ITGB1: variants seen among roughly 807,000 people sequenced by gnomAD.
ITGB1 encodes the protein integrin beta-1.
In ITGB1, 24 loss-of-function variants were observed where a neutral mutation model predicts 86.5. That is an observed-to-expected ratio of 0.28 (90% CI 0.20 to 0.39). The LOEUF is 0.39. Among genes scored for constraint, ITGB1 ranks in the 10% least tolerant of loss-of-function variants. ITGB1 has a pLI of 1.00. For missense variants in ITGB1, 556 were observed against 946.9 expected (o/e 0.59, Z 5.42); for synonymous variants, 323 against 316.8 (o/e 1.02, Z -0.21).
At position 32,919,899 on chromosome 10, in the gene ITGB1, C is replaced by T. The variant is rs1459317714; in HGVS notation, c.1455G>A (p.Glu485=). The T allele has an allele frequency of 3.7e-6, 6 of 1,614,136 alleles. No homozygotes were observed. The highest frequency in any genetic ancestry group is 1.1e-5 in the South Asian group (1 of 91,088). Residue 485 remains glutamate, a synonymous_variant, in exon 11 of 16, where the codon GAG becomes GAA. Coordinates refer to ENST00000302278, the MANE Select transcript of ITGB1 (RefSeq NM_002211.4). Reference sequence around the variant, plus strand: ...ACCCAGCTTACCTGCACGCGCCACACTCAAATGTCCCATTTCCTTCATGAC... The same window carrying T: ...ACCCAGCTTACCTGCACGCGCCACATTCAAATGTCCCATTTCCTTCATGAC... ...PKCHEGNGTF[E]CGACRCNEGR...
intron 1 of ITGB1, among the ~76,000 whole-genome samples, chr10:32,947,773 CAG>C (rs1445050313): frequency 9.2e-5 from 14 of 152,162 alleles, no homozygotes; most frequent in African/African-American, 3.4e-4. Flanking sequence ...TTGTGTAGTG[CAG>C]AGTTACACTG....
At chr10:32,903,553 T>G (rs2094888243) in intron 15 of ITGB1, among the ~76,000 whole-genome samples, 1 of 151,934 alleles carries the variant, frequency 6.6e-6, no homozygotes, top group African/African-American at 2.4e-5. Flanking sequence ...CCACTGTGAT[T>G]TCAGCTCAGC....
chr10:32,943,970 C>T (rs2095025111), intron 1 of ITGB1, among the ~76,000 whole-genome samples: 1 of 152,142 alleles, frequency 6.6e-6, no homozygotes, highest in South Asian at 2.1e-4. Context: ...GGTAAAAAGT[C>T]GCCTCAAAGG....
chr10:32,908,555 A>T (rs1470505723), intron 14 of ITGB1, 21 bp from the exon 15 acceptor site: 1 of 1,608,440 alleles, frequency 6.2e-7, no homozygotes. Context: ...AGAAGGTAAT[A>T]ATGAGCACCA....
At chr10:32,922,580 G>T in intron 8 of ITGB1, 60 bp downstream of exon 8, 1 of 1,073,524 alleles carries the variant, frequency 9.3e-7, no homozygotes, top group South Asian at 1.4e-5. Flanking sequence ...ATTCAGACAT[G>T]ATTTGCCTCT....
chr10:32,957,756 C>A (rs1326572357), intron 1 of ITGB1: 2 of 152,248 alleles, frequency 1.3e-5, no homozygotes, highest in Admixed American at 1.3e-4. Context: ...CGCTGGCTCC[C>A]ACCTGCGCTT....
At chr10:32,917,473 A>G (rs1336734614) in intron 11 of ITGB1, among the ~76,000 whole-genome samples, 1 of 152,240 alleles carries the variant, frequency 6.6e-6, no homozygotes, top group Admixed American at 6.5e-5. Context: ...CAGAATCTAC[A>G]AAGAACTCCA....
intron 1 of ITGB1, among the ~76,000 whole-genome samples, chr10:32,941,581 G>T (rs1020517243): frequency 6.6e-5 from 10 of 152,126 alleles, no homozygotes; most frequent in African/African-American, 2.4e-4. Context: ...AAATAGGAAG[G>T]GAACTGAAAA....
At chr10:32,956,328 AT>A (rs1462652710) in intron 1 of ITGB1, among the ~76,000 whole-genome samples, 15 of 151,632 alleles carry the variant, frequency 9.9e-5, no homozygotes, top group African/African-American at 3.6e-4. Flanking sequence ...TAAAGGACGT[AT>A]GTGGTTTAAG....
At chr10:32,950,132 T>C (rs969173621) in intron 1 of ITGB1, among the ~76,000 whole-genome samples, 2 of 152,210 alleles carry the variant, frequency 1.3e-5, no homozygotes, top group African/African-American at 4.8e-5. Flanking sequence ...AAACTTGGAT[T>C]CATCCCAAGT....
intron 11 of ITGB1, among the ~76,000 whole-genome samples, chr10:32,914,694 A>ATC (rs1328602032): frequency 1.3e-5 from 2 of 152,198 alleles, no homozygotes; most frequent in African/African-American, 4.8e-5. Flanking sequence ...AAAGAGACTT[A>ATC]GACTCCCACA....
intron 1 of ITGB1, 76 bp from the exon 2 acceptor site, chr10:32,935,634 C>A: frequency 1.0e-6 from 1 of 997,784 alleles, no homozygotes; most frequent in Non-Finnish European, 1.6e-6. Flanking sequence ...AGTATTACCC[C>A]ACCGTACCTT....
At chr10:32,901,718 G>C (rs1464806343) in intron 15 of ITGB1, 83 bp from the exon 16 acceptor site, 1 of 887,904 alleles carries the variant, frequency 1.1e-6, no homozygotes, top group African/African-American at 1.7e-5. Context: ...AAGACTAAAA[G>C]TTGCAATCAT....
At chr10:32,910,488 A>C (rs2094909863) in intron 13 of ITGB1, 33 bp from the exon 14 acceptor site, 1 of 1,385,528 alleles carries the variant, frequency 7.2e-7, no homozygotes, top group African/African-American at 1.4e-5. Flanking sequence ...TGATATTTAC[A>C]TTTTATTATT....
intron 11 of ITGB1, among the ~76,000 whole-genome samples, chr10:32,917,029 A>AT (rs1472281734): frequency 6.6e-5 from 10 of 152,226 alleles, no homozygotes; most frequent in Admixed American, 5.9e-4. Context: ...GCCCTCAGAA[A>AT]TAATACCACA....
At chr10:32,938,554 C>G (rs1385214046) in intron 1 of ITGB1, among the ~76,000 whole-genome samples, 1 of 152,182 alleles carries the variant, frequency 6.6e-6, no homozygotes, top group Non-Finnish European at 1.5e-5. Flanking sequence ...TTCTATAAAC[C>G]TTGACAAGGC....
intron 1 of ITGB1, among the ~76,000 whole-genome samples, chr10:32,939,644 G>T (rs2095013037): frequency 1.3e-5 from 2 of 152,176 alleles, no homozygotes; most frequent in African/African-American, 4.8e-5. Context: ...TGGTACAAAA[G>T]ATTTTAAAAT....
chr10:32,956,410 A>C (rs556008304), intron 1 of ITGB1, among the ~76,000 whole-genome samples: 12 of 149,634 alleles, frequency 8.0e-5, no homozygotes, highest in South Asian at 6.4e-4. Flanking sequence ...AAAAAAAAAA[A>C]ATAAAAAAAC....
chr10:32,923,107 G>A (rs1291770232), intron 7 of ITGB1, among the ~76,000 whole-genome samples: 1 of 152,072 alleles, frequency 6.6e-6, no homozygotes, highest in Non-Finnish European at 1.5e-5. Flanking sequence ...AGAATAGTCA[G>A]TAATTAAATA....
Sources: allele counts gnomAD v4.1 joint callset (sites outside exome capture counted in the v4.1 genomes callset), GRCh38; gene constraint gnomAD v4.1.1; transcripts MANE v1.5; gene names NCBI Gene and HGNC (gene_info 2026-07-23, HGNC 2026-07-21).